The following C4orf51 variants were observed in gnomAD, a reference collection of about 807,000 sequenced individuals.
The protein encoded by C4orf51 is uncharacterized protein C4orf51.
Under a neutral mutation model 25.2 loss-of-function variants are expected in C4orf51, and 25 were observed. The observed-to-expected ratio is 0.99, with a 90% confidence interval of 0.72 to 1.39. The LOEUF is 1.39. Ranked by LOEUF, C4orf51 falls within the 40% of genes most tolerant of loss-of-function variation. The probability of loss-of-function intolerance (pLI) is 0.00; values close to 1 mark genes in which losing one functional copy is unlikely to be tolerated. For missense variants in C4orf51, 252 were observed against 239.6 expected, an observed-to-expected ratio of 1.05 and a Z score of -0.34; for synonymous variants, 100 against 84.5, an observed-to-expected ratio of 1.18 and a Z score of -1.01.
At chr4:145,754,170 A>G (rs1341569028) in intron 1 of C4orf51, 1 of 152,192 alleles carries the variant, frequency 6.6e-6, no homozygotes, top group Non-Finnish European at 1.5e-5. Context: ...CTTGTTCCCC[A>G]TCTCACAGAC....
chr4:145,783,073 CAT>C, the C4orf51 span, among the ~76,000 whole-genome samples: 41,831 of 150,928 alleles, frequency 0.28, 6,058 homozygotes, highest in African/African-American at 0.33. Context: ...TTCTATAAGC[CAT>C]ATATATATAT....
downstream of C4orf51, chr4:145,758,092 GA>G (rs1215020928): frequency 4.6e-5 from 7 of 152,164 alleles, no homozygotes; most frequent in Non-Finnish European, 8.8e-5. Flanking sequence ...AAATGCTGTA[GA>G]TTTTTTTCTT....
rs1022753511 is a variant in C4orf51, at chr4:145,726,828, T to G, written c.308-83T>G. ...AAGCAATTGAAGTGTGTACAATTTG[T>G]GGTAATAGCCTAATTGGAAGTGTAA... On this transcript the variant is annotated intron_variant, in intron 2 of 5. Transcript: ENST00000438731. 8 of 1,111,476 alleles carry G rather than the reference T, an allele frequency of 7.2e-6. No individual in the cohort carries two copies. In the African/African-American group the frequency reaches 1.1e-4, roughly 15 times the overall value. The allele number at this position is 1,111,476 out of a possible 1,614,324, so 68.9% of individuals were successfully genotyped here. A position where few individuals can be genotyped will look rare whatever the true frequency, so the allele number is the denominator to read the frequency against.
chr4:145,700,862 C>G (rs1019406512), intron 2 of C4orf51, among the ~76,000 whole-genome samples: 3 of 152,158 alleles, frequency 2.0e-5, no homozygotes, highest in Non-Finnish European at 4.4e-5. Flanking sequence ...TTTATCGCCT[C>G]CCCTCCTCAC....
chr4:145,767,377 G>A (rs148335472), intron 1 of C4orf51, among the ~76,000 whole-genome samples: 3 of 152,200 alleles, frequency 2.0e-5, no homozygotes, highest in Non-Finnish European at 4.4e-5. Context: ...AAGAGCATCA[G>A]TGAACTGTGG....
chr4:145,770,212 T>C (rs1338641047), intron 1 of C4orf51, among the ~76,000 whole-genome samples: 1 of 151,754 alleles, frequency 6.6e-6, no homozygotes, highest in Non-Finnish European at 1.5e-5. Context: ...GACACGAAAA[T>C]TGCTTGAACT....
chr4:145,691,784 G>A (rs1322230546), intron 1 of C4orf51, among the ~76,000 whole-genome samples: 2 of 117,546 alleles, frequency 1.7e-5, no homozygotes, highest in African/African-American at 3.8e-5. Context: ...AGAGAGGGAA[G>A]GGAGCAAGGG....
chr4:145,680,475 A>G (rs1305918101), intron 1 of C4orf51, 39 bp downstream of exon 1: 2 of 1,446,326 alleles, frequency 1.4e-6, no homozygotes, highest in Non-Finnish European at 1.9e-6. Context: ...ATATATCACT[A>G]TAAATAGACA....
At chr4:145,716,102 C>T (rs1560841971) in intron 2 of C4orf51, among the ~76,000 whole-genome samples, 1 of 152,148 alleles carries the variant, frequency 6.6e-6, no homozygotes, top group Non-Finnish European at 1.5e-5. Context: ...TATCTATTAT[C>T]TATTATCAAA....
intron 1 of C4orf51, among the ~76,000 whole-genome samples, chr4:145,685,953 A>G (rs1212797534): frequency 1.3e-5 from 2 of 152,256 alleles, no homozygotes; most frequent in African/African-American, 4.8e-5. Context: ...TTTGAATTGA[A>G]TAATACATAA....
chr4:145,736,600 G>C (rs1579014295), downstream of C4orf51, among the ~76,000 whole-genome samples: 1 of 152,164 alleles, frequency 6.6e-6, no homozygotes, highest in Non-Finnish European at 1.5e-5. Context: ...AGGCATTTCA[G>C]GCTGGACTTA....
In C4orf51 at chr4:145,680,276, C is replaced by G. The variant is rs1471915818; in HGVS notation, c.73C>G (p.Leu25Val). Residue 25 changes from leucine (L) to valine (V), a missense_variant, in exon 1 of 6, where the codon CTG becomes GTG. Leu to Val is a conservative substitution (Grantham distance 32). Transcript: ENST00000438731. Reference protein sequence around the residue: ...FSPLTSQEFDLIRRKAGASWQ... With the variant: ...FSPLTSQEFDVIRRKAGASWQ... ...CCCTCTTACTTCTCAAGAGTTTGAT[C>G]TGATCAGACGCAAGGCTGGAGCATC... The G allele has an allele frequency of 3.7e-6, 6 of 1,613,848 alleles. No individual in the cohort carries two copies. In the East Asian group the frequency reaches 1.3e-4, roughly 36 times the overall value.
the C4orf51 span, among the ~76,000 whole-genome samples, chr4:145,786,565 T>C: frequency 6.6e-6 from 1 of 152,172 alleles, no homozygotes; most frequent in Non-Finnish European, 1.5e-5. Flanking sequence ...TCTGAAATCC[T>C]CTGTAGTCTT....
chr4:145,740,111 T>C (rs571286380), intron 1 of C4orf51, among the ~76,000 whole-genome samples: 1 of 152,152 alleles, frequency 6.6e-6, no homozygotes, highest in Non-Finnish European at 1.5e-5. Context: ...AGGCATTTCT[T>C]AGAGTTGCCA....
chr4:145,708,523 T>A (rs1263265472), intron 2 of C4orf51, among the ~76,000 whole-genome samples: 1 of 152,184 alleles, frequency 6.6e-6, no homozygotes, highest in Non-Finnish European at 1.5e-5. Flanking sequence ...CCCCTATTCA[T>A]CCTTAGGGTT....
At chr4:145,723,546 T>C (rs1178146821) in intron 2 of C4orf51, among the ~76,000 whole-genome samples, 1 of 152,126 alleles carries the variant, frequency 6.6e-6, no homozygotes, top group Non-Finnish European at 1.5e-5. Context: ...AAGCCTACAC[T>C]TGCTTTCTTG....
intron 1 of C4orf51, among the ~76,000 whole-genome samples, chr4:145,694,000 G>C (rs1289727023): frequency 8.0e-6 from 1 of 124,782 alleles, no homozygotes; most frequent in Non-Finnish European, 1.7e-5. Flanking sequence ...GGCAGCTGCC[G>C]GGCGGAGGGG....
chr4:145,707,689 A>G (rs918490826), intron 2 of C4orf51, among the ~76,000 whole-genome samples: 1 of 152,178 alleles, frequency 6.6e-6, no homozygotes, highest in African/African-American at 2.4e-5. Flanking sequence ...TCCCTTAAGT[A>G]ATATAAAGGG....
chr4:145,707,001 A>T (rs1463741749), intron 2 of C4orf51, among the ~76,000 whole-genome samples: 1 of 152,098 alleles, frequency 6.6e-6, no homozygotes. Context: ...TTTTTAATAG[A>T]GACGGGGTTT....
Sources: gnomAD v4.1 joint callset for allele counts (sites outside exome capture counted in the v4.1 genomes callset) on GRCh38, gnomAD v4.1.1 for gene constraint, MANE v1.5 for transcripts, NCBI Gene and HGNC (gene_info 2026-07-23, HGNC 2026-07-21) for gene names.